The following ZNF276 variants were observed in gnomAD, a reference collection of about 807,000 sequenced individuals.
ZNF276 encodes the protein centromere protein Z.
In ZNF276, 59 loss-of-function variants were observed where a neutral mutation model predicts 63.9. The ratio of observed to expected loss-of-function variants is 0.92; its 90% confidence interval spans 0.75 to 1.15. ZNF276 has a LOEUF of 1.15. Among genes scored for constraint, ZNF276 ranks in the 50% most tolerant of loss-of-function variants. The pLI is 0.00. For missense variants in ZNF276, 1,084 were observed against 843.8 expected (o/e 1.28, Z -3.53); for synonymous variants, 496 against 348.4 (o/e 1.42, Z -4.72).
chr16:89,733,279 A>G (rs1161814610), intron 6 of ZNF276, 23 bp from the exon 7 acceptor site: 3 of 1,603,628 alleles, frequency 1.9e-6, no homozygotes, highest in African/African-American at 2.7e-5. Context: ...AAACCATTGA[A>G]TTTGGGAACC....
chr16:89,739,702 G>T lies in ZNF276; in HGVS notation c.*1456G>T. On this transcript the variant is annotated 3_prime_UTR_variant, in exon 11 of 11. Transcript: ENST00000443381. ...AACAGCCTGAGCTGAGGATACCCAG[G>T]TACCTGTCAGCAGCTGGGAGAGGAT... is the stretch of plus-strand genomic sequence containing the variant. The T allele has an allele frequency of 2.7e-6, 4 of 1,507,070 alleles. No homozygotes were observed. The highest frequency in any genetic ancestry group is 3.6e-6 in the Non-Finnish European group (4 of 1,121,892). 93.4% of individuals were successfully genotyped at this position (1,507,070 alleles called of 1,614,324 possible).
At chr16:89,731,361 C>G (rs1018397883) in intron 6 of ZNF276, among the ~76,000 whole-genome samples, 1 of 152,234 alleles carries the variant, frequency 6.6e-6, no homozygotes, top group Admixed American at 6.5e-5. Flanking sequence ...TCAAGTGATT[C>G]TCCTGCCTCA....
intron 8 of ZNF276, 128 bp downstream of exon 8, chr16:89,733,685 C>T: frequency 8.9e-7 from 1 of 1,124,202 alleles, no homozygotes; most frequent in Non-Finnish European, 1.3e-6. Context: ...TAACCGAGAC[C>T]TGAAGCAGTC....
In ZNF276 at chr16:89,738,352, G is replaced by A. The variant is rs56049032; in HGVS notation, c.*106G>A. 23 of 1,473,628 alleles carry A rather than the reference G, an allele frequency of 1.6e-5. No individual in the cohort carries two copies. Among genetic ancestry groups the A allele is most frequent in the Admixed American group, 6.4e-5 (3 of 46,984 alleles). 91.3% of individuals were successfully genotyped at this position (1,473,628 alleles called of 1,614,324 possible). A position where few individuals can be genotyped will look rare whatever the true frequency, so the allele number is the denominator to read the frequency against. ...ATGGGAGGGTCGGAGGGTGCTGCCC[G>A]CCCTTGGTGCTGGAGGCGGGCTTGG... is the stretch of plus-strand genomic sequence containing the variant. On this transcript the variant is annotated 3_prime_UTR_variant, in exon 11 of 11. Transcript: ENST00000443381.
At position 89,723,687 on chromosome 16, in the gene ZNF276, C is replaced by A; in HGVS notation, c.984C>A (p.Ser328Arg). The A allele has an allele frequency of 1.2e-6, 2 of 1,610,886 alleles. No homozygotes were observed. Among genetic ancestry groups the A allele is most frequent in the Non-Finnish European group, 1.7e-6 (2 of 1,178,856 alleles). The change falls in exon 4 of 11, where the codon AGC becomes AGA. Residue 328 changes from serine (S) to arginine (R), a missense_variant. Physicochemically the swap from Ser to Arg is moderately radical, Grantham distance 110 (BLOSUM62 -1). Coordinates refer to ENST00000443381, the MANE Select transcript of ZNF276 (RefSeq NM_001113525.2). ...GGTCGGGCTTCCCACCTCAGCCAAG[C>A]CTGCCCCTTTGCAGGGCCCCAGGTA... ...GPRSGFPPQP[S>R]LPLCRAPGQL...
At chr16:89,737,747 C>G in intron 9 of ZNF276, 59 bp from the exon 10 acceptor site, 3 of 1,606,802 alleles carry the variant, frequency 1.9e-6, no homozygotes, top group Non-Finnish European at 2.6e-6. Context: ...TTGTCATCGT[C>G]GTCCCCCCGG....
chr16:89,732,139 C>G (rs1364036475), intron 6 of ZNF276: 3 of 145,660 alleles, frequency 2.1e-5, no homozygotes, highest in African/African-American at 7.8e-5. Flanking sequence ...TTACCTGGAT[C>G]CAGAAAGGAA....
intron 9 of ZNF276, among the ~76,000 whole-genome samples, chr16:89,736,827 C>G (rs1019333368): frequency 1.4e-5 from 2 of 147,258 alleles, no homozygotes; most frequent in African/African-American, 2.5e-5. Context: ...ATCCCTTGAA[C>G]CTGGGAGGTG....
intron 4 of ZNF276, among the ~76,000 whole-genome samples, chr16:89,725,986 C>T (rs563441456): frequency 1.1e-4 from 16 of 152,000 alleles, no homozygotes; most frequent in Non-Finnish European, 2.1e-4. Flanking sequence ...TATGGAGTCT[C>T]GCTCTGTCGC....
Position 89,734,030 on chromosome 16 carries a change from T to C in ZNF276, c.1466T>C (p.Ile489Thr), listed in dbSNP as rs750005123. ...DRYLQRHVKLIHTEVRNYICD... is the reference protein window; with the variant it reads ...DRYLQRHVKLTHTEVRNYICD... ...TACCTGCAGCGCCACGTGAAGCTCA[T>C]CCACACAGGTACGCCTATCGCCAGT... The change falls in exon 9 of 11, where the codon ATC becomes ACC. Residue 489 changes from isoleucine to threonine, a missense_variant. By Grantham distance (89) the Ile-to-Thr change is moderately conservative (BLOSUM62 -1). Transcript: ENST00000443381. The C allele has an allele frequency of 6.2e-7, 1 of 1,613,960 alleles. No individual in the cohort carries two copies. The highest frequency in any genetic ancestry group is 8.5e-7 in the Non-Finnish European group (1 of 1,179,978).
chr16:89,738,695 C>T lies in ZNF276; in HGVS notation c.*449C>T, dbSNP rs147406377. On this transcript the variant is annotated 3_prime_UTR_variant, in exon 11 of 11. Transcript: ENST00000443381. ...GCTCACCTCTGGGTCGCAGTCCCCA[C>T]GATCAGCCAGCAGCTGTGAGAGAGG... 3.7e-5 allele frequency: 60 copies of T among 1,613,842 alleles called. No individual in the cohort carries two copies. The highest frequency in any genetic ancestry group is 4.7e-5 in the Non-Finnish European group (56 of 1,180,014).
At chr16:89,721,082 G>C, upstream of ZNF276, 1 of 356,694 alleles carries the variant, frequency 2.8e-6, no homozygotes, top group Non-Finnish European at 4.9e-6. Flanking sequence ...CGACGGAGCC[G>C]GGCCTCTTCG....
rs766814285 is a variant in ZNF276, at chr16:89,722,818, C to T, written c.493C>T (p.Arg165Trp). The change falls in exon 2 of 11, where the codon CGG becomes TGG. Residue 165 changes from arginine to tryptophan, a missense_variant. Coordinates refer to ENST00000443381, the MANE Select transcript of ZNF276 (RefSeq NM_001113525.2). ...QRVNASPAGR[R>W]KPCAKVGAQP... ...GGTCAACGCCTCCCCGGCTGGTCGCCGGAAGCCTTGTGCAAAGTACGCCCT... is the reference window on the plus strand; with the variant it reads ...GGTCAACGCCTCCCCGGCTGGTCGCTGGAAGCCTTGTGCAAAGTACGCCCT... 8.7e-6 allele frequency: 14 copies of T among 1,603,188 alleles called. No individual in the cohort carries two copies. The East Asian group carries it at 1.6e-4, about 18-fold the overall frequency.
Position 89,740,805 on chromosome 16 carries a change from T to C in ZNF276, c.*2559T>C. The C allele has an allele frequency of 6.2e-7, 1 of 1,613,250 alleles. No individual in the cohort carries two copies. Among genetic ancestry groups the C allele is most frequent in the Non-Finnish European group, 8.5e-7 (1 of 1,179,494 alleles). ...CTTGGCTGGTAAGGTCTGACTTACA[T>C]TTGAGGTCAGATGTGACGACAGCAG... is the stretch of plus-strand genomic sequence containing the variant. On this transcript the variant is annotated 3_prime_UTR_variant, in exon 11 of 11. Transcript: ENST00000443381.
chr16:89,737,794 C>T lies in ZNF276; in HGVS notation c.1475-12C>T. The T allele has an allele frequency of 1.2e-6, 2 of 1,614,168 alleles. No homozygotes were observed. The highest frequency in any genetic ancestry group is 1.1e-5 in the South Asian group (1 of 91,050). On this transcript the variant is annotated splice_polypyrimidine_tract_variant and intron_variant, in intron 9 of 10. Transcript: ENST00000443381. ...ATCAGGGGCCTGGACTCACTGGACT[C>T]TCCCCTCTCAGAGGTGCGGAACTAT...
rs202058545 is a variant in ZNF276 at position 89,733,951 on chromosome 16, C to T, written c.1387C>T (p.Arg463Trp). ...KHIKEHHEEV[R>W]ERPCPHPGCN... The stretch of plus-strand genomic sequence containing the variant: ...CATCAAGGAGCACCACGAGGAGGTC[C>T]GGGAGCGGCCCTGCCCCCACCCTGG... Residue 463 changes from arginine (R) to tryptophan (W), a missense_variant, in exon 9 of 11, where the codon CGG (arginine) becomes TGG (tryptophan). Physicochemically the swap from Arg to Trp is moderately radical, Grantham distance 101. Coordinates refer to ENST00000443381, the MANE Select transcript of ZNF276 (RefSeq NM_001113525.2). 5.8e-5 allele frequency: 93 copies of T among 1,613,844 alleles called. 1 individual carries two copies. Among genetic ancestry groups the T allele is most frequent in the Middle Eastern group, 3.3e-4 (2 of 6,082 alleles).
chr16:89,723,000 G>A (rs1244657627), intron 2 of ZNF276, 137 bp from the exon 3 acceptor site: 7 of 1,585,408 alleles, frequency 4.4e-6, no homozygotes, highest in Non-Finnish European at 6.0e-6. Flanking sequence ...GAGATGAACT[G>A]GGAGGAGCTG....
At chr16:89,725,027 C>T (rs1188109910) in intron 4 of ZNF276, among the ~76,000 whole-genome samples, 2 of 152,252 alleles carry the variant, frequency 1.3e-5, no homozygotes, top group African/African-American at 4.8e-5. Flanking sequence ...CTCACCGCTA[C>T]CTCAGCCTCC....
At chr16:89,736,550 T>C (rs2061901982) in intron 9 of ZNF276, among the ~76,000 whole-genome samples, 1 of 147,972 alleles carries the variant, frequency 6.8e-6, no homozygotes, top group East Asian at 2.1e-4. Flanking sequence ...GGGCTGGTCT[T>C]GAACTGACTT....
Sources: gnomAD v4.1 joint callset for allele counts (sites outside exome capture counted in the v4.1 genomes callset) on GRCh38, gnomAD v4.1.1 for gene constraint, MANE v1.5 for transcripts, NCBI Gene and HGNC (gene_info 2026-07-23, HGNC 2026-07-21) for gene names.